PIK3C2G: variants seen among roughly 807,000 people sequenced by gnomAD.
PIK3C2G encodes phosphatidylinositol 3-kinase C2 domain-containing subunit gamma.
A neutral mutation model predicts 181.1 loss-of-function variants in PIK3C2G; 168 were observed. The ratio of observed to expected loss-of-function variants is 0.93; its 90% CI spans 0.82 to 1.05. The LOEUF is 1.05. Ranked by LOEUF, PIK3C2G falls within the 50% of genes least tolerant of loss-of-function variation. The pLI is 0.00. For missense variants in PIK3C2G, 1,869 were observed against 1,732.8 expected, an observed-to-expected ratio of 1.08 and a Z score of -1.40; for synonymous variants, 573 against 592.2, an observed-to-expected ratio of 0.97 and a Z score of 0.47.
At chr12:18,459,124 CTT>C (rs1222793009) in intron 18 of PIK3C2G, among the ~76,000 whole-genome samples, 1 of 152,024 alleles carries the variant, frequency 6.6e-6, no homozygotes, top group East Asian at 1.9e-4. Flanking sequence ...AGCACTGACT[CTT>C]ATTAAAATCT....
intron 29 of PIK3C2G, among the ~76,000 whole-genome samples, chr12:18,588,776 T>C (rs1441744984): frequency 6.6e-6 from 1 of 152,034 alleles, no homozygotes; most frequent in Non-Finnish European, 1.5e-5. Flanking sequence ...CATCCTATCA[T>C]AAAGACACAT....
chr12:18,334,265 C>T lies in PIK3C2G; in HGVS notation c.1273-4161C>T, dbSNP rs141741477. Among the ~76,000 whole-genome samples, 562 of 152,152 alleles carry T rather than the reference C, an allele frequency of 3.7e-3. 2 individuals are homozygous for T. Among genetic ancestry groups the T allele is most frequent in the Middle Eastern group, 0.014 (4 of 292 alleles). ...ACCTTTCTACTCAACAGGCAGCCTA[C>T]GCAGTTTTTGGACAAATAATTTTAA... On this transcript the variant is annotated intron_variant, in intron 8 of 32. Transcript: ENST00000538779.
Position 18,346,831 on chromosome 12 carries a change from G to T in PIK3C2G, c.1620G>T (p.Val540=). The T allele has an allele frequency of 6.2e-7, 1 of 1,604,988 alleles. No individual in the cohort carries two copies. The highest frequency in any genetic ancestry group is 1.1e-5 in the South Asian group (1 of 90,166). Residue 540 remains valine (V), a synonymous_variant, in exon 11 of 33, where the codon GTG becomes GTT. Coordinates refer to ENST00000538779, the MANE Select transcript of PIK3C2G (RefSeq NM_001288772.2). Reference sequence around the variant, plus strand: ...CACACAACATTCCAGAAACCTGGGTGCACAGGTGAGTGGTGGTGAGTTTTT... The same window carrying T: ...CACACAACATTCCAGAAACCTGGGTTCACAGGTGAGTGGTGGTGAGTTTTT... ...YAAHNIPETW[V]HSYKAFSFTC...
intron 32 of PIK3C2G, among the ~76,000 whole-genome samples, chr12:18,646,090 G>C (rs1950115843): frequency 6.6e-6 from 1 of 152,092 alleles, no homozygotes; most frequent in East Asian, 1.9e-4. Flanking sequence ...TTGTTAAAAA[G>C]CATGAATTAC....
At chr12:18,686,893 C>T in the PIK3C2G span, among the ~76,000 whole-genome samples, 1 of 151,910 alleles carries the variant, frequency 6.6e-6, no homozygotes, top group Non-Finnish European at 1.5e-5. Flanking sequence ...CAAGGATATT[C>T]CCATAAAATC....
chr12:18,398,690 C>T (rs1462583522), intron 15 of PIK3C2G, among the ~76,000 whole-genome samples: 1 of 152,138 alleles, frequency 6.6e-6, no homozygotes, highest in Non-Finnish European at 1.5e-5. Flanking sequence ...AGATTTAGAT[C>T]TTTTATTTCA....
At chr12:18,552,658 TATA>T (rs1443121860) in intron 26 of PIK3C2G, among the ~76,000 whole-genome samples, 2 of 152,142 alleles carry the variant, frequency 1.3e-5, no homozygotes, top group African/African-American at 2.4e-5. Context: ...TATTTTTAGT[TATA>T]ATAACAAACC....
At chr12:18,315,494 A>G (rs1193875393) in intron 6 of PIK3C2G, among the ~76,000 whole-genome samples, 5 of 152,172 alleles carry the variant, frequency 3.3e-5, no homozygotes, top group Non-Finnish European at 7.4e-5. Context: ...ATAATAACTT[A>G]TCGGTAGTAA....
intron 26 of PIK3C2G, among the ~76,000 whole-genome samples, chr12:18,556,096 A>C (rs1320989501): frequency 6.6e-6 from 1 of 152,152 alleles, no homozygotes; most frequent in African/African-American, 2.4e-5. Flanking sequence ...GGAGAGTTAA[A>C]AGTGTTTATC....
At chr12:18,335,293 T>A (rs1938422495) in intron 8 of PIK3C2G, among the ~76,000 whole-genome samples, 1 of 152,074 alleles carries the variant, frequency 6.6e-6, no homozygotes, top group Non-Finnish European at 1.5e-5. Context: ...AAAACACCAA[T>A]CCTACAGCTG....
intron 26 of PIK3C2G, among the ~76,000 whole-genome samples, chr12:18,558,370 G>C (rs1454307058): frequency 6.6e-6 from 1 of 152,100 alleles, no homozygotes; most frequent in African/African-American, 2.4e-5. Flanking sequence ...AGATTGTTCA[G>C]TCATTCAACA....
At chr12:18,560,340 G>C (rs531502114) in intron 26 of PIK3C2G, among the ~76,000 whole-genome samples, 1 of 152,076 alleles carries the variant, frequency 6.6e-6, no homozygotes, top group East Asian at 1.9e-4. Context: ...AAGTGGGCCA[G>C]AAAGACATGC....
At chr12:18,681,370 C>T in the PIK3C2G span, among the ~76,000 whole-genome samples, 1 of 152,014 alleles carries the variant, frequency 6.6e-6, no homozygotes, top group African/African-American at 2.4e-5. Flanking sequence ...GTTCATTTAG[C>T]CTTTTCCGAT....
At chr12:18,314,115 A>G in intron 6 of PIK3C2G, 51 bp downstream of exon 6, 2 of 887,408 alleles carry the variant, frequency 2.3e-6, no homozygotes, top group South Asian at 1.6e-5. Context: ...AGTTTTAAGG[A>G]CAATATTTCT....
intron 1 of PIK3C2G, among the ~76,000 whole-genome samples, chr12:18,256,401 C>A (rs1264412803): frequency 6.6e-6 from 1 of 152,114 alleles, no homozygotes; most frequent in Non-Finnish European, 1.5e-5. Context: ...CTTTGCTTAG[C>A]ACATTCTGCT....
the PIK3C2G span, chr12:18,701,554 T>C: frequency 6.2e-7 from 1 of 1,613,852 alleles, no homozygotes; most frequent in South Asian, 1.1e-5. Flanking sequence ...CCTGTTTCCT[T>C]GTCTTGATTG....
chr12:18,714,136 T>C, the PIK3C2G span, among the ~76,000 whole-genome samples: 1 of 152,160 alleles, frequency 6.6e-6, no homozygotes, highest in Non-Finnish European at 1.5e-5. Context: ...CTACCAAGAG[T>C]TCACTCAAAT....
chr12:18,712,877 T>C, the PIK3C2G span: 2 of 1,613,832 alleles, frequency 1.2e-6, no homozygotes, highest in African/African-American at 1.3e-5. Context: ...TGGATAACAG[T>C]TTTAAACAGA....
intron 18 of PIK3C2G, 61 bp downstream of exon 18, chr12:18,424,100 C>A: frequency 1.1e-6 from 1 of 938,092 alleles, no homozygotes; most frequent in Admixed American, 2.0e-5. Flanking sequence ...TATGGGGCAG[C>A]TTTAGAGGAA....
Sources: allele counts gnomAD v4.1 joint callset (sites outside exome capture counted in the v4.1 genomes callset), GRCh38; gene constraint gnomAD v4.1.1; transcripts MANE v1.5; gene names NCBI Gene and HGNC (gene_info 2026-07-23, HGNC 2026-07-21).